Variants in UPRT observed in about 807,000 individuals in gnomAD.
The protein encoded by UPRT is uracil phosphoribosyltransferase homolog.
Under a neutral mutation model 22.6 loss-of-function variants are expected in UPRT, and 5 were observed. That is an observed-to-expected ratio of 0.22 (90% CI 0.12 to 0.47). The LOEUF is 0.47. Among genes scored for constraint, UPRT ranks in the 20% least tolerant of loss-of-function variants. The pLI is 0.99. For missense variants in UPRT, 181 were observed against 239.9 expected, an observed-to-expected ratio of 0.75 and a Z score of 1.62; for synonymous variants, 77 against 87.7, an observed-to-expected ratio of 0.88 and a Z score of 0.68.
intron 4 of UPRT, among the ~76,000 whole-genome samples, chrX:75,189,968 C>T (rs1188150350): frequency 1.8e-5 from 2 of 111,950 alleles, no homozygotes; most frequent in Non-Finnish European, 3.8e-5. Context: ...AAGCATTTAG[C>T]CCATTTACAT....
At chrX:75,222,574 C>T (rs2082413222) in intron 4 of UPRT, among the ~76,000 whole-genome samples, 1 of 111,362 alleles carries the variant, frequency 9.0e-6, no homozygotes, top group African/African-American at 3.3e-5. Context: ...CTTCTTTTTC[C>T]TCCCATTTTC....
chrX:75,225,166 G>A (rs2082420108), intron 4 of UPRT, among the ~76,000 whole-genome samples: 1 of 111,066 alleles, frequency 9.0e-6, no homozygotes, highest in Admixed American at 9.7e-5. Flanking sequence ...GCTCAAGTTA[G>A]AGCCTTCATT....
At chrX:75,288,228 A>G (rs764006466) in intron 1 of UPRT, among the ~76,000 whole-genome samples, 24 of 111,555 alleles carry the variant, frequency 2.2e-4, no homozygotes, top group African/African-American at 7.5e-4. Flanking sequence ...TAGAGTCACA[A>G]TTGAATTCTA....
chrX:75,158,503 T>G (rs769064360), intron 1 of UPRT, among the ~76,000 whole-genome samples: 1 of 111,906 alleles, frequency 8.9e-6, no homozygotes, highest in Admixed American at 9.5e-5. Flanking sequence ...ATGCCCATAT[T>G]TATGAGGAAA....
chrX:75,291,707 A>T (rs1403378635), intron 1 of UPRT: 1 of 135,102 alleles, frequency 7.4e-6, no homozygotes, highest in African/African-American at 3.2e-5. Flanking sequence ...ATTTAAAATG[A>T]ATAGTATGGA....
At chrX:75,185,254 C>T (rs1448410535) in intron 4 of UPRT, among the ~76,000 whole-genome samples, 1 of 111,726 alleles carries the variant, frequency 9.0e-6, no homozygotes, top group Non-Finnish European at 1.9e-5. Context: ...TTGTCAAAGG[C>T]CTTTTCTGCA....
intron 4 of UPRT, among the ~76,000 whole-genome samples, chrX:75,173,690 G>A (rs896239586): frequency 5.3e-5 from 6 of 112,451 alleles, no homozygotes; most frequent in African/African-American, 1.9e-4. Flanking sequence ...AGGAGCCCAT[G>A]GAGTGGGTGG....
At chrX:75,185,874 T>A (rs1407361967) in intron 4 of UPRT, among the ~76,000 whole-genome samples, 1 of 111,754 alleles carries the variant, frequency 8.9e-6, no homozygotes, top group Non-Finnish European at 1.9e-5. Context: ...GATATCCCCT[T>A]TATCATTTTT....
intron 4 of UPRT, among the ~76,000 whole-genome samples, chrX:75,174,902 G>A (rs1043270586): frequency 1.3e-4 from 14 of 110,849 alleles, no homozygotes; most frequent in African/African-American, 4.3e-4. Context: ...TTCTCTCTTC[G>A]ACTTCTTTTT....
At position 75,246,455 on chromosome X, in the gene UPRT, T is replaced by G. The variant is rs765377154; in HGVS notation, c.-446-44569T>G. 2.7e-5 allele frequency among the ~76,000 whole-genome samples: 3 copies of G among 110,670 alleles called. No individual in the cohort carries two copies. The East Asian group carries it at 8.6e-4, about 32-fold the overall frequency. On this transcript the variant is annotated intron_variant, in intron 4 of 13. Coordinates refer to the UPRT transcript ENST00000652605. ...GAACTCATCCTTTTTTGTGGCTGCATAGTATTCCATGGTGTATATGTGCCA... is the reference window on the plus strand; with the variant it reads ...GAACTCATCCTTTTTTGTGGCTGCAGAGTATTCCATGGTGTATATGTGCCA...
intron 4 of UPRT, among the ~76,000 whole-genome samples, chrX:75,224,812 CTT>C (rs2082419199): frequency 1.8e-5 from 2 of 111,767 alleles, no homozygotes; most frequent in Admixed American, 1.9e-4. Context: ...TGAATATCCT[CTT>C]GATTCCCTTT....
intron 4 of UPRT, among the ~76,000 whole-genome samples, chrX:75,242,053 T>C (rs1209296741): frequency 9.1e-6 from 1 of 109,800 alleles, no homozygotes; most frequent in Admixed American, 9.8e-5. Flanking sequence ...ACTACCTGTT[T>C]CCCAAAAAGG....
chrX:75,188,538 T>G (rs771146968), intron 4 of UPRT, among the ~76,000 whole-genome samples: 5 of 112,936 alleles, frequency 4.4e-5, no homozygotes, highest in Non-Finnish European at 3.8e-5. Flanking sequence ...CCTTGAGCTG[T>G]GGTGGGCTCC....
chrX:75,203,212 A>G (rs1268304189), intron 4 of UPRT, among the ~76,000 whole-genome samples: 6 of 111,654 alleles, frequency 5.4e-5, no homozygotes, highest in Non-Finnish European at 7.5e-5. Flanking sequence ...GGCCTTACAT[A>G]ATGGTAAAGG....
intron 4 of UPRT, among the ~76,000 whole-genome samples, chrX:75,179,376 T>C (rs960695690): frequency 8.9e-6 from 1 of 112,654 alleles, no homozygotes; most frequent in African/African-American, 3.2e-5. Context: ...AGGGTGCTGA[T>C]TGGTGTGTTT....
At chrX:75,291,627 C>A in intron 1 of UPRT, 2 of 133,888 alleles carry the variant, frequency 1.5e-5, no homozygotes, top group Non-Finnish European at 1.5e-5. Flanking sequence ...TATTGAAGGC[C>A]ATTGTGGAAT....
intron 4 of UPRT, among the ~76,000 whole-genome samples, chrX:75,187,429 G>A (rs1034860283): frequency 1.8e-5 from 2 of 111,364 alleles, no homozygotes; most frequent in African/African-American, 3.3e-5. Context: ...AGGGTAACCC[G>A]ACATTTCTCT....
intron 4 of UPRT, among the ~76,000 whole-genome samples, chrX:75,255,101 C>A (rs2082545313): frequency 9.0e-6 from 1 of 111,152 alleles, no homozygotes; most frequent in African/African-American, 3.3e-5. Flanking sequence ...AGCTGTGAGA[C>A]AAAAGCGCCA....
intron 4 of UPRT, among the ~76,000 whole-genome samples, chrX:75,220,148 A>G (rs758786505): frequency 9.0e-6 from 1 of 111,499 alleles, no homozygotes; most frequent in African/African-American, 3.2e-5. Context: ...TGATCTCTTT[A>G]TCATTATACA....
Sources: gnomAD v4.1 joint callset for allele counts (sites outside exome capture counted in the v4.1 genomes callset) on GRCh38, gnomAD v4.1.1 for gene constraint, MANE v1.5 for transcripts, NCBI Gene and HGNC (gene_info 2026-07-23, HGNC 2026-07-21) for gene names.